Variants in TMC2 observed in about 807,000 individuals in gnomAD.
The protein encoded by TMC2 is transmembrane channel-like protein 2.
In TMC2, 102 loss-of-function variants were observed where a neutral mutation model predicts 105.9. That is an observed-to-expected ratio of 0.96 (90% CI 0.82 to 1.14). The LOEUF is 1.14. Ranked by LOEUF, TMC2 falls within the 50% of genes most tolerant of loss-of-function variation. The pLI, the probability that TMC2 is intolerant of heterozygous loss-of-function variation, is 0.00. For synonymous variants in TMC2, 402 were observed against 422.8 expected (o/e 0.95, Z 0.60); for missense variants, 1,093 against 1,134.3 (o/e 0.96, Z 0.52).
rs141997242 is a variant in TMC2, at chr20:2,614,211, C to A, written c.1872+889C>A. On this transcript the variant is annotated intron_variant, in intron 14 of 19. Coordinates refer to ENST00000358864, the MANE Select transcript of TMC2 (RefSeq NM_080751.3). ...GAAAGACACAATATTACTAAGAGGT[C>A]ATTGTTCTTAAATTTGTTTGTAAGA... Among the ~76,000 whole-genome samples the A allele has an allele frequency of 4.7e-3, 721 of 152,268 alleles. 6 individuals carry two copies. The highest frequency in any genetic ancestry group is 0.016 in the African/African-American group (677 of 41,548).
chr20:2,540,489 T>A (rs1457929776), intron 2 of TMC2, among the ~76,000 whole-genome samples: 1 of 151,646 alleles, frequency 6.6e-6, no homozygotes, highest in Non-Finnish European at 1.5e-5. Context: ...GGTGAAACCC[T>A]GTCTCTACTA....
Position 2,597,261 on chromosome 20 carries a change from C to T in TMC2, c.1187C>T (p.Ala396Val). The T allele has an allele frequency of 6.2e-7, 1 of 1,614,078 alleles. No homozygotes were observed. Among genetic ancestry groups the T allele is most frequent in the Non-Finnish European group, 8.5e-7 (1 of 1,179,962 alleles). The change falls in exon 10 of 20, where the codon GCT becomes GTT. Residue 396 changes from alanine to valine, a missense_variant. Transcript: ENST00000358864. The stretch of plus-strand genomic sequence containing the variant: ...TACCTGATCGGGAATTCAGAGACAG[C>T]TGATAACAAATATGCATCCATCACC... ...WDYLIGNSET[A>V]DNKYASITTS...
chr20:2,613,855 A>C, intron 14 of TMC2: 1 of 192,100 alleles, frequency 5.2e-6, no homozygotes, highest in Non-Finnish European at 1.1e-5. Context: ...CTCTGGCAGA[A>C]TCTCTGGCTC....
At chr20:2,623,401 T>C (rs1436694252) in intron 16 of TMC2, among the ~76,000 whole-genome samples, 1 of 151,960 alleles carries the variant, frequency 6.6e-6, no homozygotes, top group Non-Finnish European at 1.5e-5. Context: ...TAGGCAGGCG[T>C]GGTGGCGCTC....
chr20:2,549,857 A>G (rs1212818725), intron 2 of TMC2, among the ~76,000 whole-genome samples: 1 of 152,082 alleles, frequency 6.6e-6, no homozygotes, highest in Non-Finnish European at 1.5e-5. Context: ...TTTTTAGAGC[A>G]GTTTTAGGAT....
chr20:2,571,546 A>AC (rs1189826007), intron 4 of TMC2, among the ~76,000 whole-genome samples: 4 of 152,202 alleles, frequency 2.6e-5, no homozygotes, highest in African/African-American at 9.6e-5. Flanking sequence ...AAACAAACAA[A>AC]AAACACTTAT....
chr20:2,628,727 G>T (rs2086581576), intron 17 of TMC2, among the ~76,000 whole-genome samples: 1 of 152,204 alleles, frequency 6.6e-6, no homozygotes, highest in Admixed American at 6.5e-5. Flanking sequence ...GGCCTCACCA[G>T]CCATGCTGAA....
chr20:2,548,347 A>G (rs1323571625), intron 2 of TMC2, among the ~76,000 whole-genome samples: 1 of 152,256 alleles, frequency 6.6e-6, no homozygotes, highest in Non-Finnish European at 1.5e-5. Context: ...TTTCTTACTT[A>G]GAAATTAGTG....
intron 7 of TMC2, among the ~76,000 whole-genome samples, chr20:2,590,417 A>G (rs995995886): frequency 6.6e-6 from 1 of 152,134 alleles, no homozygotes; most frequent in African/African-American, 2.4e-5. Flanking sequence ...ATGATCAACT[A>G]TACATATATG....
chr20:2,624,255 CCT>C lies in TMC2; in HGVS notation c.2181-12_2181-11del, dbSNP rs755915271. 3.7e-6 allele frequency: 6 copies of C among 1,612,612 alleles called. No individual in the cohort carries two copies. The African/African-American group carries it at 6.7e-5, about 18-fold the overall frequency. Reference sequence around the variant, plus strand: ...CACATGGCAGCATGTTATATTGTGTCCTCTCCTTTTTCCAGTGGGAAAAACAG... The same window carrying C: ...CACATGGCAGCATGTTATATTGTGTCCTCCTTTTTCCAGTGGGAAAAACAG... On this transcript the variant is annotated splice_polypyrimidine_tract_variant and intron_variant, in intron 16 of 19. Transcript: ENST00000358864.
At chr20:2,581,873 G>A (rs780248230) in intron 7 of TMC2, among the ~76,000 whole-genome samples, 4 of 152,138 alleles carry the variant, frequency 2.6e-5, no homozygotes, top group African/African-American at 7.2e-5. Context: ...CTTAGTGATT[G>A]GTGCATTCCA....
chr20:2,552,493 T>G (rs1158307278), intron 2 of TMC2, among the ~76,000 whole-genome samples: 1 of 152,176 alleles, frequency 6.6e-6, no homozygotes, highest in Non-Finnish European at 1.5e-5. Context: ...TACACATATT[T>G]TGTTAGATTT....
intron 2 of TMC2, among the ~76,000 whole-genome samples, chr20:2,556,269 C>T (rs866483505): frequency 1.3e-5 from 2 of 151,708 alleles, no homozygotes; most frequent in Admixed American, 6.6e-5. Context: ...TTAATAGAGA[C>T]GGGGTTTCAC....
At chr20:2,557,107 T>A (rs2085989728) in intron 2 of TMC2, among the ~76,000 whole-genome samples, 1 of 152,220 alleles carries the variant, frequency 6.6e-6, no homozygotes, top group African/African-American at 2.4e-5. Context: ...TTTCTCGATG[T>A]GTGGTTTGGT....
Position 2,643,177 on chromosome 20 carries a change from C to G in TMC2, c.*1826C>G, listed in dbSNP as rs1255366123. ...TGCAATGCCTGATTTCCATGGAACC[C>G]AGGTCCAAGCCCCAAATCCAAAACT... On this transcript the variant is annotated 3_prime_UTR_variant, in exon 20 of 20. Transcript: ENST00000358864. Among the ~76,000 whole-genome samples the G allele has an allele frequency of 6.6e-6, 1 of 152,130 alleles. No individual in the cohort carries two copies. The highest frequency in any genetic ancestry group is 2.4e-5 in the African/African-American group (1 of 41,442).
intron 2 of TMC2, among the ~76,000 whole-genome samples, chr20:2,539,990 C>CTTTTTTTTTT (rs57860432): frequency 1.8e-4 from 21 of 115,078 alleles, no homozygotes; most frequent in South Asian, 8.8e-4. Context: ...CTTTTCTTTT[C>CTTTTTTTTTT]TTTTTTTTTT....
chr20:2,600,131 A>G (rs1247063803), intron 10 of TMC2, among the ~76,000 whole-genome samples: 5 of 152,190 alleles, frequency 3.3e-5, no homozygotes, highest in Non-Finnish European at 7.3e-5. Flanking sequence ...CAGGATTGTG[A>G]GAGAGGGACA....
chr20:2,538,375 C>A (rs944805173), intron 2 of TMC2, among the ~76,000 whole-genome samples: 55 of 152,212 alleles, frequency 3.6e-4, no homozygotes, highest in African/African-American at 1.3e-3. Flanking sequence ...CTCATCCACT[C>A]TTTATCTCAA....
intron 13 of TMC2, 80 bp from the exon 14 acceptor site, chr20:2,613,114 G>A (rs2086453639): frequency 6.6e-7 from 1 of 1,525,324 alleles, no homozygotes; most frequent in Non-Finnish European, 8.9e-7. Context: ...GAGTTTATTA[G>A]ACTCTCAACA....
Sources: gnomAD v4.1 joint callset for allele counts (sites outside exome capture counted in the v4.1 genomes callset) on GRCh38, gnomAD v4.1.1 for gene constraint, MANE v1.5 for transcripts, NCBI Gene and HGNC (gene_info 2026-07-23, HGNC 2026-07-21) for gene names.